SLC9A9: variants seen among roughly 807,000 people sequenced by gnomAD.
The protein encoded by SLC9A9 is solute carrier family 9 member A9.
SLC9A9 carries 62 observed loss-of-function variants against 77.8 expected under a neutral mutation model. That is an observed-to-expected ratio of 0.80 (90% CI 0.65 to 0.98). The LOEUF is 0.98. SLC9A9 is among the 50% of genes least tolerant of loss of function. SLC9A9 has a pLI of 0.00. For synonymous variants in SLC9A9, 320 were observed against 283.5 expected (o/e 1.13, Z -1.29); for missense variants, 775 against 774.9 (o/e 1.00, Z 0.00).
intron 6 of SLC9A9, among the ~76,000 whole-genome samples, chr3:143,637,613 C>T (rs1382509451): frequency 6.6e-6 from 1 of 152,020 alleles, no homozygotes; most frequent in Non-Finnish European, 1.5e-5. Flanking sequence ...TGTTGTTTCC[C>T]CTTAAAGTTG....
At chr3:143,625,349 A>G (rs919123594) in intron 6 of SLC9A9, among the ~76,000 whole-genome samples, 14 of 152,254 alleles carry the variant, frequency 9.2e-5, no homozygotes, top group Non-Finnish European at 1.8e-4. Context: ...GCATCATGCT[A>G]CCTGACTTCA....
At chr3:143,822,254 C>A (rs900484297) in intron 2 of SLC9A9, among the ~76,000 whole-genome samples, 1 of 152,164 alleles carries the variant, frequency 6.6e-6, no homozygotes, top group Non-Finnish European at 1.5e-5. Context: ...GTGTCAATCT[C>A]AAGGGCACTT....
intron 8 of SLC9A9, among the ~76,000 whole-genome samples, chr3:143,562,082 G>A (rs960577073): frequency 6.6e-6 from 1 of 152,200 alleles, no homozygotes. Context: ...TCAATTGCTA[G>A]TTATCTATTG....
rs976549478 is a variant in SLC9A9 at position 143,571,115 on chromosome 3, G to A, written c.1000+2973C>T. On this transcript the variant is annotated intron_variant, in intron 8 of 15. Transcript: ENST00000316549. ...TCACTAGACGGATGTTCTTGAGGGC[G>A]CACTTTGAAAGGTCAGGGCCTGGGG... Among the ~76,000 whole-genome samples the A allele has an allele frequency of 8.5e-5, 13 of 152,256 alleles. 2 individuals are homozygous for A. In the South Asian group the frequency reaches 1.4e-3, roughly 17 times the overall value.
intron 5 of SLC9A9, among the ~76,000 whole-genome samples, chr3:143,669,941 T>G (rs1441568344): frequency 6.6e-6 from 1 of 152,180 alleles, no homozygotes; most frequent in African/African-American, 2.4e-5. Flanking sequence ...ATCAAAACTA[T>G]TAGTGGGTCA....
chr3:143,426,842 A>G (rs1576489521), intron 12 of SLC9A9, among the ~76,000 whole-genome samples: 1 of 152,212 alleles, frequency 6.6e-6, no homozygotes, highest in Non-Finnish European at 1.5e-5. Context: ...ACCCTCTGAG[A>G]TAATTTGTTA....
intron 8 of SLC9A9, among the ~76,000 whole-genome samples, chr3:143,558,322 T>A (rs1406591112): frequency 6.6e-6 from 1 of 152,204 alleles, no homozygotes; most frequent in African/African-American, 2.4e-5. Context: ...ACTAGGGCAC[T>A]GCCTAGTGGA....
At chr3:143,702,248 T>C (rs190048827) in intron 4 of SLC9A9, among the ~76,000 whole-genome samples, 1 of 152,076 alleles carries the variant, frequency 6.6e-6, no homozygotes, top group Admixed American at 6.6e-5. Context: ...TAATAGTAAG[T>C]ACACAGAAAA....
At chr3:143,290,043 T>C (rs1054930343) in intron 14 of SLC9A9, among the ~76,000 whole-genome samples, 2 of 152,162 alleles carry the variant, frequency 1.3e-5, no homozygotes, top group African/African-American at 4.8e-5. Context: ...TATCTTATCC[T>C]CAGTAATTCA....
chr3:143,700,840 C>A (rs1288326350), intron 4 of SLC9A9, among the ~76,000 whole-genome samples: 1 of 152,244 alleles, frequency 6.6e-6, no homozygotes, highest in South Asian at 2.1e-4. Flanking sequence ...TTACAGCAGG[C>A]CTTGGGCAAG....
intron 14 of SLC9A9, among the ~76,000 whole-genome samples, chr3:143,288,371 C>T (rs553788462): frequency 2.0e-5 from 3 of 152,174 alleles, no homozygotes; most frequent in African/African-American, 4.8e-5. Context: ...TCTACTTGTT[C>T]GCATTTTCGG....
intron 14 of SLC9A9, among the ~76,000 whole-genome samples, chr3:143,291,154 G>C (rs542678398): frequency 1.3e-5 from 2 of 152,308 alleles, no homozygotes; most frequent in South Asian, 2.1e-4. Flanking sequence ...ATGGAGAATA[G>C]GGAAGTTGAT....
chr3:143,277,310 A>G (rs930636009), intron 14 of SLC9A9, among the ~76,000 whole-genome samples: 2 of 152,118 alleles, frequency 1.3e-5, no homozygotes, highest in Non-Finnish European at 2.9e-5. Context: ...TCTCCCGACC[A>G]GCTGCATCAG....
chr3:143,380,778 A>T (rs1433088253), intron 13 of SLC9A9, among the ~76,000 whole-genome samples: 1 of 152,178 alleles, frequency 6.6e-6, no homozygotes, highest in Non-Finnish European at 1.5e-5. Flanking sequence ...TTAATTTCCC[A>T]GCCTTTTCCA....
chr3:143,399,454 C>T (rs1221134148), intron 12 of SLC9A9, among the ~76,000 whole-genome samples: 1 of 152,160 alleles, frequency 6.6e-6, no homozygotes, highest in East Asian at 1.9e-4. Context: ...AAAACTGCAC[C>T]TTGATTTTGG....
At chr3:143,323,896 C>A (rs777079806) in intron 14 of SLC9A9, among the ~76,000 whole-genome samples, 15 of 152,070 alleles carry the variant, frequency 9.9e-5, no homozygotes, top group Non-Finnish European at 2.1e-4. Flanking sequence ...AAAATGGATT[C>A]TTGAAACTGG....
chr3:143,423,025 A>G (rs563939091), intron 12 of SLC9A9, among the ~76,000 whole-genome samples: 8 of 152,286 alleles, frequency 5.3e-5, no homozygotes, highest in Admixed American at 3.3e-4. Flanking sequence ...GGCACGCAAT[A>G]TAGTAGAATG....
intron 1 of SLC9A9, among the ~76,000 whole-genome samples, chr3:143,837,856 A>C (rs2009608602): frequency 6.6e-6 from 1 of 152,204 alleles, no homozygotes; most frequent in South Asian, 2.1e-4. Flanking sequence ...TTTCCAGCAT[A>C]TTAATGGGCC....
intron 12 of SLC9A9, among the ~76,000 whole-genome samples, chr3:143,462,292 G>T (rs985427212): frequency 6.6e-6 from 1 of 152,090 alleles, no homozygotes; most frequent in Non-Finnish European, 1.5e-5. Flanking sequence ...AGGATCACTT[G>T]AGCCCAGCAG....
Sources: allele counts gnomAD v4.1 joint callset (sites outside exome capture counted in the v4.1 genomes callset), GRCh38; gene constraint gnomAD v4.1.1; transcripts MANE v1.5; gene names NCBI Gene and HGNC (gene_info 2026-07-23, HGNC 2026-07-21).